LMBR1: variants seen among roughly 807,000 people sequenced by gnomAD.
The protein encoded by LMBR1 is limb development membrane protein 1, also known as limb region 1 protein homolog.
Under a neutral mutation model 73.9 loss-of-function variants are expected in LMBR1, and 52 were observed. The ratio of observed to expected loss-of-function variants is 0.70; its 90% confidence interval spans 0.56 to 0.89. The LOEUF (loss-of-function observed/expected upper bound fraction) is 0.89, where lower values mean the gene tolerates loss of function less well. Among genes scored for constraint, LMBR1 ranks in the 40% least tolerant of loss-of-function variants. The probability of loss-of-function intolerance (pLI) is 0.00; values close to 1 mark genes in which losing one functional copy is unlikely to be tolerated. For missense variants in LMBR1, 539 were observed against 579.8 expected (o/e 0.93, Z 0.72); for synonymous variants, 215 against 209.4 (o/e 1.03, Z -0.23).
intron 1 of LMBR1, among the ~76,000 whole-genome samples, chr7:156,871,463 T>C (rs1014895591): frequency 1.3e-5 from 2 of 152,132 alleles, no homozygotes; most frequent in Admixed American, 6.5e-5. Context: ...ATTTCCCTGA[T>C]ACCAAAGCCA....
chr7:156,869,025 T>A (rs1161609691), intron 1 of LMBR1, among the ~76,000 whole-genome samples: 3 of 152,180 alleles, frequency 2.0e-5, no homozygotes, highest in Non-Finnish European at 4.4e-5. Flanking sequence ...TTAAAAATCA[T>A]GCTATTAATA....
At chr7:156,828,928 G>T (rs1476352665) in intron 3 of LMBR1, among the ~76,000 whole-genome samples, 1 of 152,156 alleles carries the variant, frequency 6.6e-6, no homozygotes, top group Non-Finnish European at 1.5e-5. Context: ...GCACACCACA[G>T]TACCAGGCGT....
intron 15 of LMBR1, among the ~76,000 whole-genome samples, chr7:156,694,714 T>C (rs891584666): frequency 1.1e-4 from 16 of 152,274 alleles, no homozygotes; most frequent in African/African-American, 3.6e-4. Context: ...ATAAATGAAT[T>C]CAGTAAAATT....
chr7:156,762,076 C>A, intron 8 of LMBR1, 58 bp downstream of exon 8: 3 of 940,536 alleles, frequency 3.2e-6, no homozygotes, highest in South Asian at 2.8e-5. Context: ...ATATCAAAGA[C>A]AATCAAATGT....
At chr7:156,785,476 G>T (rs1285062499) in intron 5 of LMBR1, among the ~76,000 whole-genome samples, 1 of 152,148 alleles carries the variant, frequency 6.6e-6, no homozygotes, top group Admixed American at 6.5e-5. Flanking sequence ...TAAGAATCCT[G>T]ACATACGGAT....
At chr7:156,883,401 A>G (rs75261238) in intron 1 of LMBR1, among the ~76,000 whole-genome samples, 1 of 150,018 alleles carries the variant, frequency 6.7e-6, no homozygotes, top group Non-Finnish European at 1.5e-5. Flanking sequence ...TCCATCTCAG[A>G]AAAAAAAAAG....
intron 15 of LMBR1, among the ~76,000 whole-genome samples, chr7:156,691,805 C>G (rs1807242354): frequency 6.6e-6 from 1 of 151,602 alleles, no homozygotes; most frequent in Admixed American, 6.6e-5. Context: ...ATACTTTTTT[C>G]CTTCTGAACT....
At chr7:156,819,261 C>G (rs1834386006) in intron 4 of LMBR1, among the ~76,000 whole-genome samples, 1 of 152,110 alleles carries the variant, frequency 6.6e-6, no homozygotes, top group Admixed American at 6.5e-5. Context: ...ATCCAAAATC[C>G]AAACACTATA....
intron 9 of LMBR1, among the ~76,000 whole-genome samples, chr7:156,746,589 G>C (rs1255425919): frequency 6.6e-6 from 1 of 152,122 alleles, no homozygotes. Flanking sequence ...TGACTGACTT[G>C]CATATAAAAA....
chr7:156,886,515 A>G (rs2134551501), intron 1 of LMBR1, among the ~76,000 whole-genome samples: 1 of 152,350 alleles, frequency 6.6e-6, no homozygotes, highest in Admixed American at 6.5e-5. Context: ...CAGCCTCTGT[A>G]AACTGGCCAG....
intron 15 of LMBR1, among the ~76,000 whole-genome samples, chr7:156,703,514 G>C (rs1007876324): frequency 6.6e-6 from 1 of 152,136 alleles, no homozygotes. Context: ...GCCACAGTCG[G>C]AACAAGGGAG....
At chr7:156,750,680 T>C (rs2132714085) in intron 9 of LMBR1, among the ~76,000 whole-genome samples, 1 of 152,348 alleles carries the variant, frequency 6.6e-6, no homozygotes, top group South Asian at 2.1e-4. Context: ...TCTATTAATT[T>C]ACTTATGGGA....
Position 156,703,674 on chromosome 7 carries a change from AGGGGCTTG to A in LMBR1, c.1226-15491_1226-15484del, listed in dbSNP as rs1467375131. 3.3e-5 allele frequency among the ~76,000 whole-genome samples: 5 copies of A among 152,142 alleles called. No homozygotes were observed. The East Asian group carries it at 9.7e-4, about 29-fold the overall frequency. On this transcript the variant is annotated intron_variant, in intron 15 of 16. Transcript: ENST00000353442. ...CCACCCCTCACCCAAGCATTTTCCC[AGGGGCTTG>A]GGGGCTGCCTCACTACCCTTGTTGG... is the stretch of plus-strand genomic sequence containing the variant.
At chr7:156,701,941 A>G (rs4716441) in intron 15 of LMBR1, among the ~76,000 whole-genome samples, 108,551 of 152,106 alleles carry the variant, frequency 0.71, 39,262 homozygotes, top group African/African-American at 0.83. Context: ...ATCCATATCC[A>G]GGCAAAGGAC....
intron 10 of LMBR1, among the ~76,000 whole-genome samples, chr7:156,731,276 A>G (rs1816785803): frequency 6.6e-6 from 1 of 152,142 alleles, no homozygotes; most frequent in South Asian, 2.1e-4. Flanking sequence ...AGAAAAGAAT[A>G]TAAGAATGAA....
At position 156,847,097 on chromosome 7, in the gene LMBR1, T is replaced by A. The variant is rs565578257; in HGVS notation, c.67-10212A>T. On this transcript the variant is annotated intron_variant, in intron 1 of 16. Transcript: ENST00000353442. ...AAACACAGACAAATATAAATATAGA[T>A]CCACAGAAAAGACAGCCCAGAAATA... 3.9e-5 allele frequency among the ~76,000 whole-genome samples: 6 copies of A among 152,106 alleles called. No homozygotes were observed. In the East Asian group the frequency reaches 9.7e-4, roughly 24 times the overall value.
chr7:156,835,529 T>C (rs1837458776), intron 2 of LMBR1, among the ~76,000 whole-genome samples: 1 of 152,016 alleles, frequency 6.6e-6, no homozygotes, highest in African/African-American at 2.4e-5. Context: ...GCCCTGTCTC[T>C]ATTAAAAATA....
At position 156,679,222 on chromosome 7, in the gene LMBR1, CAAAG is replaced by C. The variant is rs1315499574; in HGVS notation, c.*4852_*4855del. 1 of 152,144 alleles carries C rather than the reference CAAAG, an allele frequency of 6.6e-6. No individual in the cohort carries two copies. The highest frequency in any genetic ancestry group is 1.9e-4 in the East Asian group (1 of 5,200). 9.4% of individuals were successfully genotyped at this position (152,144 alleles called of 1,614,324 possible). A position where few individuals can be genotyped will look rare whatever the true frequency, so the allele number is the denominator to read the frequency against. ...GGTCCTGGGGGTGACTGTGGGACGA[CAAAG>C]AACTCGACCCTCCACACCACGCCCC... On this transcript the variant is annotated 3_prime_UTR_variant, in exon 17 of 17. Transcript: ENST00000353442.
chr7:156,703,634 C>T (rs979402409), intron 15 of LMBR1, among the ~76,000 whole-genome samples: 1 of 152,170 alleles, frequency 6.6e-6, no homozygotes, highest in Non-Finnish European at 1.5e-5. Context: ...GGCTGAGACC[C>T]TGGCATAGTG....
Sources: allele counts gnomAD v4.1 joint callset (sites outside exome capture counted in the v4.1 genomes callset), GRCh38; gene constraint gnomAD v4.1.1; transcripts MANE v1.5; gene names NCBI Gene and HGNC (gene_info 2026-07-23, HGNC 2026-07-21).